SMIM27: variants seen among roughly 807,000 people sequenced by gnomAD.
SMIM27 encodes the protein TOPORS antisense RNA 1 (non-protein coding).
Under a neutral mutation model 1.8 loss-of-function variants are expected in SMIM27, and 3 were observed. That is an observed-to-expected ratio of 1.65 (90% CI 0.75 to 4.28). SMIM27 has a LOEUF of 4.28. Ranked by LOEUF, SMIM27 falls within the 30% of genes most tolerant of loss-of-function variation. The pLI, the probability that SMIM27 is intolerant of heterozygous loss-of-function variation, is 0.02. For synonymous variants in SMIM27, 19 were observed against 13.9 expected (o/e 1.37, Z -0.82); for missense variants, 63 against 37.0 (o/e 1.70, Z -1.83).
chr9:32,552,140 A>C, upstream of SMIM27: 1 of 580,714 alleles, frequency 1.7e-6, no homozygotes, highest in Non-Finnish European at 3.1e-6. Context: ...ACTAGAAAGA[A>C]AACCAGTGGA....
chr9:32,552,569 A>G lies in SMIM27; in HGVS notation c.45+90A>G. 3 of 1,157,748 alleles carry G rather than the reference A, an allele frequency of 2.6e-6. No individual in the cohort carries two copies. In the South Asian group the frequency reaches 3.9e-5, roughly 15 times the overall value. 71.7% of individuals were successfully genotyped at this position (1,157,748 alleles called of 1,614,324 possible). On this transcript the variant is annotated intron_variant, in intron 1 of 1. Coordinates refer to ENST00000692500, the MANE Select transcript of SMIM27 (RefSeq NM_001387564.1). ...TATTTCTTCAGCACCCAGAAACTCC[A>G]AAATCCATTCCTGAATTAAGCATTT...
downstream of SMIM27, among the ~76,000 whole-genome samples, chr9:32,554,890 T>C (rs1226478683): frequency 6.6e-6 from 1 of 152,180 alleles, no homozygotes; most frequent in Non-Finnish European, 1.5e-5. Context: ...GGAAGCTGAC[T>C]GCCTAATGAA....
At chr9:32,551,370 G>A, upstream of SMIM27, 1 of 340,332 alleles carries the variant, frequency 2.9e-6, no homozygotes, top group Non-Finnish European at 5.7e-6. Context: ...CTCACCTCCT[G>A]TTGTACGCCT....
intron 1 of SMIM27, among the ~76,000 whole-genome samples, chr9:32,565,907 G>A (rs1821771523): frequency 6.6e-6 from 1 of 152,150 alleles, no homozygotes; most frequent in Non-Finnish European, 1.5e-5. Context: ...GGGAGGCGGA[G>A]GTTGCAGTGA....
chr9:32,552,245 C>T (rs1563988140), upstream of SMIM27: 1 of 733,318 alleles, frequency 1.4e-6, no homozygotes. Flanking sequence ...CGGGCAAGGC[C>T]CCCGATCACG....
chr9:32,562,931 T>C (rs931934282), intron 1 of SMIM27, among the ~76,000 whole-genome samples: 1 of 152,244 alleles, frequency 6.6e-6, no homozygotes, highest in Non-Finnish European at 1.5e-5. Flanking sequence ...TTGCATTTAG[T>C]TGGCATATCT....
upstream of SMIM27, chr9:32,551,518 T>C (rs1821259323): frequency 1.9e-5 from 5 of 268,508 alleles, no homozygotes; most frequent in Non-Finnish European, 3.1e-5. Context: ...GACTCCTCCC[T>C]AAACAGACCA....
upstream of SMIM27, chr9:32,552,109 C>T (rs1307111875): frequency 3.6e-6 from 2 of 552,520 alleles, no homozygotes; most frequent in African/African-American, 3.8e-5. Context: ...GCACCTTATC[C>T]TGCATTAATA....
chr9:32,563,179 G>A (rs982482332), intron 1 of SMIM27, among the ~76,000 whole-genome samples: 1 of 152,108 alleles, frequency 6.6e-6, no homozygotes, highest in Non-Finnish European at 1.5e-5. Context: ...CATAATTTCA[G>A]TTTGCCCCAT....
intron 1 of SMIM27, among the ~76,000 whole-genome samples, chr9:32,561,404 T>C (rs1821622257): frequency 6.6e-6 from 1 of 152,020 alleles, no homozygotes; most frequent in African/African-American, 2.4e-5. Context: ...CTCGACTCAC[T>C]GCAACTTCTG....
chr9:32,553,173 A>T (rs17218354), downstream of SMIM27: 2 of 343,456 alleles, frequency 5.8e-6, no homozygotes, highest in Admixed American at 4.5e-5. Context: ...TCAAGTTTCT[A>T]AATTCTTCAA....
chr9:32,556,603 C>CA (rs1339207969), downstream of SMIM27, among the ~76,000 whole-genome samples: 2 of 152,100 alleles, frequency 1.3e-5, no homozygotes, highest in African/African-American at 4.8e-5. Context: ...ACCACAGTGG[C>CA]AAAAAATACA....
chr9:32,551,947 G>A, upstream of SMIM27: 1 of 307,084 alleles, frequency 3.3e-6, no homozygotes, highest in Non-Finnish European at 6.9e-6. Context: ...AAGATGAACA[G>A]GCGAACGTCC....
At chr9:32,566,621 T>C (rs1217501488) in exon 2 of SMIM27, 1 of 790,250 alleles carries the variant, frequency 1.3e-6, no homozygotes, top group Non-Finnish European at 2.3e-6. Context: ...CCTGAGCCTC[T>C]GCACCCACCA....
downstream of SMIM27, among the ~76,000 whole-genome samples, chr9:32,555,485 G>GA (rs1471994574): frequency 6.6e-6 from 1 of 152,256 alleles, no homozygotes; most frequent in Non-Finnish European, 1.5e-5. Flanking sequence ...TAAGGACAAA[G>GA]AAATGAGACA....
chr9:32,551,900 T>A (rs1458147263), upstream of SMIM27: 2 of 373,200 alleles, frequency 5.4e-6, no homozygotes, highest in African/African-American at 4.2e-5. Flanking sequence ...CACAACGATT[T>A]GTCACATATA....
chr9:32,560,409 GTAGT>G (rs1215047697), intron 1 of SMIM27, among the ~76,000 whole-genome samples: 2 of 152,152 alleles, frequency 1.3e-5, no homozygotes, highest in African/African-American at 4.8e-5. Flanking sequence ...CCAGAAAAAT[GTAGT>G]TAAATTTAGA....
downstream of SMIM27, among the ~76,000 whole-genome samples, chr9:32,556,091 G>T (rs78722312): frequency 1.5e-4 from 4 of 27,530 alleles, no homozygotes; most frequent in Non-Finnish European, 3.9e-4. Context: ...ATTTGGGGCC[G>T]GGGTGCAATG....
At chr9:32,552,724 A>T in intron 1 of SMIM27, 77 bp from the exon 2 acceptor site, 1 of 674,482 alleles carries the variant, frequency 1.5e-6, no homozygotes. Flanking sequence ...CCACCTTAGC[A>T]ATGGCAACGG....
Sources: gnomAD v4.1 joint callset for allele counts (sites outside exome capture counted in the v4.1 genomes callset) on GRCh38, gnomAD v4.1.1 for gene constraint, MANE v1.5 for transcripts, NCBI Gene and HGNC (gene_info 2026-07-23, HGNC 2026-07-21) for gene names.